Variants in NRDC observed in about 807,000 individuals in gnomAD.
NRDC encodes nardilysin convertase.
NRDC carries 54 observed loss-of-function variants against 147.1 expected under a neutral mutation model. That is an observed-to-expected ratio of 0.37 (90% confidence interval 0.29 to 0.46). The LOEUF (loss-of-function observed/expected upper bound fraction) is 0.46, where lower values mean the gene tolerates loss of function less well. Ranked by LOEUF, NRDC falls within the 20% of genes least tolerant of loss-of-function variation. The pLI is 1.00. For synonymous variants in NRDC, 440 were observed against 482.1 expected (o/e 0.91, Z 1.14); for missense variants, 1,082 against 1,370.6 (o/e 0.79, Z 3.33).
chr1:51,839,583 T>G (rs2149222372), intron 2 of NRDC, among the ~76,000 whole-genome samples: 1 of 152,300 alleles, frequency 6.6e-6, no homozygotes, highest in East Asian at 1.9e-4. Flanking sequence ...TATTAAGAAA[T>G]TCTCCCTATC....
At chr1:51,847,095 G>A (rs569785536) in intron 1 of NRDC, among the ~76,000 whole-genome samples, 1 of 152,094 alleles carries the variant, frequency 6.6e-6, no homozygotes, top group South Asian at 2.1e-4. Context: ...CACCAGATCA[G>A]CTAGACACAG....
intron 15 of NRDC, among the ~76,000 whole-genome samples, chr1:51,810,684 T>C (rs556122720): frequency 6.6e-5 from 10 of 152,334 alleles, no homozygotes; most frequent in African/African-American, 2.2e-4. Context: ...GCAGTAAAAA[T>C]AGCTATCCTT....
chr1:51,806,274 ACTAGG>A (rs1169011932), intron 18 of NRDC, among the ~76,000 whole-genome samples: 3 of 152,204 alleles, frequency 2.0e-5, no homozygotes, highest in African/African-American at 7.2e-5. Flanking sequence ...GTAATGCTGG[ACTAGG>A]CTATCTGTCT....
At chr1:51,793,149 C>T (rs1263381450) in intron 24 of NRDC, among the ~76,000 whole-genome samples, 1 of 152,208 alleles carries the variant, frequency 6.6e-6, no homozygotes, top group Non-Finnish European at 1.5e-5. Context: ...CACAACAAAA[C>T]CAATGCTCTC....
chr1:51,805,599 G>A, intron 18 of NRDC, 38 bp from the exon 19 acceptor site: 6 of 1,330,718 alleles, frequency 4.5e-6, no homozygotes, highest in Non-Finnish European at 6.3e-6. Flanking sequence ...AAGGTTAGGG[G>A]CCTCAGATAT....
chr1:51,798,958 T>C (rs1256850468), intron 21 of NRDC: 1 of 152,316 alleles, frequency 6.6e-6, no homozygotes, highest in African/African-American at 2.4e-5. Flanking sequence ...GAAGTATTCG[T>C]GAGAGGTAAC....
intron 1 of NRDC, among the ~76,000 whole-genome samples, chr1:51,871,317 A>G (rs2124131204): frequency 6.6e-6 from 1 of 152,144 alleles, no homozygotes; most frequent in South Asian, 2.1e-4. Flanking sequence ...ACTCCATCTC[A>G]GTCAATCAAT....
At chr1:51,800,030 G>A (rs12087143) in intron 21 of NRDC, among the ~76,000 whole-genome samples, 5,739 of 152,172 alleles carry the variant, frequency 0.038, 132 homozygotes, top group Non-Finnish European at 0.056. Context: ...GTTGGTGTGC[G>A]GTGGCATGAT....
chr1:51,829,416 T>C (rs1680602730), intron 4 of NRDC, among the ~76,000 whole-genome samples: 1 of 152,254 alleles, frequency 6.6e-6, no homozygotes, highest in African/African-American at 2.4e-5. Flanking sequence ...TGGTAGTTAT[T>C]TTCCTTCAGA....
rs746549957 is a variant in NRDC at position 51,806,760 on chromosome 1, T to A, written c.2110+34A>T. 2.5e-6 allele frequency: 4 copies of A among 1,596,462 alleles called. No homozygotes were observed. In the South Asian group the frequency reaches 4.5e-5, roughly 18 times the overall value. The stretch of plus-strand genomic sequence containing the variant: ...GAGCATCTAAAGAGAACACTGGAAT[T>A]CAGCAGGGAAGTAACAGGAGGGCAA... On this transcript the variant is annotated intron_variant, in intron 18 of 30. Coordinates refer to ENST00000352171, the MANE Select transcript of NRDC (RefSeq NM_001101662.2).
At chr1:51,870,499 T>G (rs1683030231) in intron 1 of NRDC, among the ~76,000 whole-genome samples, 1 of 152,230 alleles carries the variant, frequency 6.6e-6, no homozygotes, top group Non-Finnish European at 1.5e-5. Context: ...CATTAGCTAT[T>G]TCAAACCTTC....
chr1:51,803,197 C>T (rs115524021), intron 20 of NRDC, among the ~76,000 whole-genome samples: 1,526 of 152,112 alleles, frequency 0.01, 33 homozygotes, highest in South Asian at 0.095. Context: ...ATTCCACAGC[C>T]GGCATGGTGG....
chr1:51,836,744 GA>G (rs1288158221), intron 2 of NRDC, among the ~76,000 whole-genome samples: 1 of 151,998 alleles, frequency 6.6e-6, no homozygotes, highest in Non-Finnish European at 1.5e-5. Context: ...AATAGTAAGT[GA>G]TAAAAAAAGA....
intron 22 of NRDC, 35 bp downstream of exon 22, chr1:51,798,214 A>G: frequency 6.2e-7 from 1 of 1,608,324 alleles, no homozygotes; most frequent in African/African-American, 1.3e-5. Flanking sequence ...TCACAACTGC[A>G]TTCAGACCTG....
At chr1:51,789,887 A>G (rs1678505881) in intron 29 of NRDC, 3 of 550,356 alleles carry the variant, frequency 5.5e-6, no homozygotes, top group African/African-American at 1.9e-5. Flanking sequence ...AGCAGATGCT[A>G]TAATTACAGC....
At chr1:51,835,356 C>T (rs1261188424) in intron 3 of NRDC, among the ~76,000 whole-genome samples, 2 of 151,844 alleles carry the variant, frequency 1.3e-5, no homozygotes, top group South Asian at 2.1e-4. Flanking sequence ...CCACCGCGCC[C>T]GGCCCCGTGT....
intron 1 of NRDC, among the ~76,000 whole-genome samples, chr1:51,852,047 G>A (rs1379134970): frequency 6.6e-6 from 1 of 152,060 alleles, no homozygotes; most frequent in East Asian, 1.9e-4. Flanking sequence ...ATGCTTTTTG[G>A]TACACGTTGT....
intron 16 of NRDC, 33 bp downstream of exon 16, chr1:51,810,248 C>T: frequency 6.6e-7 from 1 of 1,505,220 alleles, no homozygotes; most frequent in Non-Finnish European, 9.1e-7. Flanking sequence ...GTTAAATATA[C>T]CTAAATGTAA....
chr1:51,863,026 A>AAC (rs1294108601), intron 1 of NRDC, among the ~76,000 whole-genome samples: 2 of 150,100 alleles, frequency 1.3e-5, no homozygotes, highest in East Asian at 3.9e-4. Context: ...AAAAAAAAAA[A>AAC]AAAAAAAAAA....
Sources: gnomAD v4.1 joint callset for allele counts (sites outside exome capture counted in the v4.1 genomes callset) on GRCh38, gnomAD v4.1.1 for gene constraint, MANE v1.5 for transcripts, NCBI Gene and HGNC (gene_info 2026-07-23, HGNC 2026-07-21) for gene names.